The following AP3B2 variants were observed in gnomAD, a reference collection of about 807,000 sequenced individuals.
AP3B2 encodes the protein AP-3 complex subunit beta-2.
A neutral mutation model predicts 126.9 loss-of-function variants in AP3B2; 50 were observed. That is an observed-to-expected ratio of 0.39 (90% CI 0.31 to 0.50). AP3B2 has a LOEUF of 0.50. AP3B2 is among the 20% of genes least tolerant of loss of function. The pLI, the probability that AP3B2 is intolerant of heterozygous loss-of-function variation, is 0.79. For synonymous variants in AP3B2, 541 were observed against 565.0 expected, an observed-to-expected ratio of 0.96 and a Z score of 0.60; for missense variants, 1,177 against 1,426.4, an observed-to-expected ratio of 0.83 and a Z score of 2.82.
Position 82,663,933 on chromosome 15 carries a change from C to G in AP3B2, c.2304G>C (p.Lys768Asn), listed in dbSNP as rs1363317349. Reference protein sequence around the residue: ...EEDGKRKTKKKVPERKGEASS... With the variant: ...EEDGKRKTKKNVPERKGEASS... Reference sequence around the variant, plus strand: ...ACGCTTCTCCTTTTCTCTCTGGCACCTTCTTCTTTGTCTTCCTCTTACCAT... The same window carrying G: ...ACGCTTCTCCTTTTCTCTCTGGCACGTTCTTCTTTGTCTTCCTCTTACCAT... Residue 768 changes from lysine to asparagine, a missense_variant, in exon 20 of 27, where the codon AAG becomes AAC. Transcript: ENST00000535359. 6.2e-7 allele frequency: 1 copy of G among 1,609,960 alleles called. No individual in the cohort carries two copies. Among genetic ancestry groups the G allele is most frequent in the Non-Finnish European group, 8.5e-7 (1 of 1,179,808 alleles).
Position 82,665,207 on chromosome 15 carries a change from CAG to C in AP3B2, c.2028+38_2028+39del, listed in dbSNP as rs2048029937. On this transcript the variant is annotated intron_variant, in intron 17 of 26. Transcript: ENST00000535359. This position sits in a 1 kb window ranked among gnomAD's most constrained non-coding sequence, Gnocchi z 4.4. ...CACAGGGGAAGAAGAGGGACACAGA[CAG>C]GGCAGGGGAGAGAGCACACGTCACA... 1 of 1,528,448 alleles carries C rather than the reference CAG, an allele frequency of 6.5e-7. No homozygotes were observed. The highest frequency in any genetic ancestry group is 1.4e-5 in the African/African-American group (1 of 72,850). 94.7% of individuals were successfully genotyped at this position (1,528,448 alleles called of 1,614,324 possible).
intron 14 of AP3B2, among the ~76,000 whole-genome samples, chr15:82,669,534 A>G (rs2048113524): frequency 6.6e-6 from 1 of 151,880 alleles, no homozygotes; most frequent in African/African-American, 2.4e-5. Flanking sequence ...TCTACTAAAA[A>G]TACAAAAATT....
Position 82,664,316 on chromosome 15 carries a change from C to T in AP3B2, c.2261+51G>A. 6.2e-7 allele frequency: 1 copy of T among 1,611,876 alleles called. No homozygotes were observed. Among genetic ancestry groups the T allele is most frequent in the Middle Eastern group, 1.7e-4 (1 of 5,940 alleles). On this transcript the variant is annotated intron_variant, in intron 19 of 26. Transcript: ENST00000535359. The surrounding 1 kb of genome is among the most constrained non-coding windows in gnomAD (Gnocchi z 4.5). ...CTAAAGCTCAATGCTAGCCCTCTTT[C>T]CAGGAAAGCCCCCTGAACCCCACCA...
At chr15:82,693,447 A>G (rs1053381583) in intron 1 of AP3B2, among the ~76,000 whole-genome samples, 9 of 151,402 alleles carry the variant, frequency 5.9e-5, no homozygotes, top group African/African-American at 2.2e-4. Flanking sequence ...GGGTTTCACC[A>G]TGTTGGTCAG....
rs1463351050 is a variant in AP3B2 at position 82,681,011 on chromosome 15, C to T, written c.597G>A (p.Ala199=). 2 of 1,613,788 alleles carry T rather than the reference C, an allele frequency of 1.2e-6. No individual in the cohort carries two copies. The highest frequency in any genetic ancestry group is 1.7e-6 in the Non-Finnish European group (2 of 1,179,890). Residue 199 remains alanine (A), a synonymous_variant, in exon 7 of 27, where the codon GCG becomes GCA. Coordinates refer to ENST00000535359, the MANE Select transcript of AP3B2 (RefSeq NM_001278512.2). This position sits in a 1 kb window ranked among gnomAD's most constrained non-coding sequence, Gnocchi z 4.0. ...CCTCAAAGGCCATCACCACACTGCC[C>T]GCCACCAGCTGGGGAAAGAACAAAG... is the stretch of plus-strand genomic sequence containing the variant. ...KLLADKTTLV[A]GSVVMAFEEV...
At chr15:82,684,839 C>T (rs987583305) in intron 4 of AP3B2, among the ~76,000 whole-genome samples, 1 of 152,224 alleles carries the variant, frequency 6.6e-6, no homozygotes, top group Non-Finnish European at 1.5e-5. Context: ...TTTGCATTCA[C>T]AACTTGGCTA....
At chr15:82,683,472 ATTCTAC>A (rs544689340) in intron 4 of AP3B2, among the ~76,000 whole-genome samples, 198 of 152,288 alleles carry the variant, frequency 1.3e-3, no homozygotes, top group Non-Finnish European at 2.4e-3. Context: ...TCCACTTTTA[ATTCTAC>A]TTCTACTTCT....
intron 1 of AP3B2, among the ~76,000 whole-genome samples, chr15:82,695,095 CTTTTTTTTTT>C (rs747831776): frequency 7.4e-6 from 1 of 134,818 alleles, no homozygotes; most frequent in African/African-American, 2.8e-5. Context: ...TTCTTTCTTT[CTTTTTTTTTT>C]TTTTTTTTTG....
chr15:82,703,748 G>T (rs148125895), intron 1 of AP3B2, among the ~76,000 whole-genome samples: 397 of 151,650 alleles, frequency 2.6e-3, no homozygotes, highest in African/African-American at 9.1e-3. Flanking sequence ...TGTTCCCAAT[G>T]CGACTCATCC....
chr15:82,695,091 CTTTCTTTTTT>C (rs1388946440), intron 1 of AP3B2, among the ~76,000 whole-genome samples: 2 of 107,494 alleles, frequency 1.9e-5, no homozygotes, highest in East Asian at 5.1e-4. Flanking sequence ...TTTTTTCTTT[CTTTCTTTTTT>C]TTTTTTTTTT....
intron 1 of AP3B2, chr15:82,692,131 C>A: frequency 6.7e-7 from 1 of 1,494,478 alleles, no homozygotes; most frequent in African/African-American, 1.4e-5. Flanking sequence ...CTGGAGAACT[C>A]CACACGAAGC....
intron 20 of AP3B2, 76 bp from the exon 21 acceptor site, chr15:82,663,696 A>G: frequency 6.2e-7 from 1 of 1,610,270 alleles, no homozygotes. Flanking sequence ...AGAAGATGTC[A>G]TGTTCTGTTC....
Position 82,680,016 on chromosome 15 carries a change from C to G in AP3B2, c.1110+159G>C, listed in dbSNP as rs1429481083. ...GCCCCTCAGGATCCAGGCCCTGCTC[C>G]CTATCTGTATTTGGAGCCTCCCCTG... On this transcript the variant is annotated intron_variant, in intron 9 of 26. Transcript: ENST00000535359. The surrounding 1 kb of genome is among the most constrained non-coding windows in gnomAD (Gnocchi z 6.1). Among the ~76,000 whole-genome samples, 2 of 152,168 alleles carry G rather than the reference C, an allele frequency of 1.3e-5. No homozygotes were observed. Among genetic ancestry groups the G allele is most frequent in the Non-Finnish European group, 2.9e-5 (2 of 68,044 alleles).
In AP3B2 at chr15:82,667,003, T is replaced by C; in HGVS notation, c.1666-70A>G. The C allele has an allele frequency of 4.0e-6, 6 of 1,486,110 alleles. No individual in the cohort carries two copies. In the South Asian group the frequency reaches 6.3e-5, roughly 16 times the overall value. 92.1% of individuals were successfully genotyped at this position (1,486,110 alleles called of 1,614,324 possible). A position where few individuals can be genotyped will look rare whatever the true frequency, so the allele number is the denominator to read the frequency against. ...ACACAGGAGGCTCAGAAACAGATTC[T>C]TTAAGCCGACACTTTCAGGCAGAAC... On this transcript the variant is annotated intron_variant, in intron 14 of 26. Coordinates refer to ENST00000535359, the MANE Select transcript of AP3B2 (RefSeq NM_001278512.2).
Position 82,677,298 on chromosome 15 carries a change from C to G in AP3B2, c.1464G>C (p.Leu488Phe). ...PAQHGEIIKHLAKLTDNIQVP... is the reference protein window; with the variant it reads ...PAQHGEIIKHFAKLTDNIQVP... ...CCTGGATGTTGTCTGTAAGCTTTGC[C>G]AAGTGTTTGATGATCTCTCCATGTT... Residue 488 changes from leucine to phenylalanine, a missense_variant, in exon 13 of 27, where the codon TTG becomes TTC. By Grantham distance (22) the Leu-to-Phe change is conservative (BLOSUM62 0). Coordinates refer to ENST00000535359, the MANE Select transcript of AP3B2 (RefSeq NM_001278512.2). 6.2e-7 allele frequency: 1 copy of G among 1,613,756 alleles called. No individual in the cohort carries two copies. Among genetic ancestry groups the G allele is most frequent in the South Asian group, 1.1e-5 (1 of 91,010 alleles).
rs1314059690 is a variant in AP3B2, at chr15:82,665,734, C to T, written c.1853-159G>A. Among the ~76,000 whole-genome samples, 1 of 152,176 alleles carries T rather than the reference C, an allele frequency of 6.6e-6. No individual in the cohort carries two copies. The highest frequency in any genetic ancestry group is 1.5e-5 in the Non-Finnish European group (1 of 68,034). On this transcript the variant is annotated intron_variant, in intron 15 of 26. Transcript: ENST00000535359. The surrounding 1 kb of genome is among the most constrained non-coding windows in gnomAD (Gnocchi z 4.4). ...CCTAATGGCTCTTCCACCCTGACTGCACCTTTAGGCCCACATGCTGGAAGA... is the reference window on the plus strand; with the variant it reads ...CCTAATGGCTCTTCCACCCTGACTGTACCTTTAGGCCCACATGCTGGAAGA...
intron 12 of AP3B2, 28 bp from the exon 13 acceptor site, chr15:82,677,411 C>T (rs1376790920): frequency 4.4e-6 from 7 of 1,593,058 alleles, no homozygotes; most frequent in South Asian, 1.1e-5. Context: ...GTGTGTGGAC[C>T]CCAAGACAGT....
chr15:82,692,012 T>C lies in AP3B2; in HGVS notation c.114-2559A>G. ...AACTTCTCGCATGTGATCCTTCAGG[T>C]CCTGCCAGCTGCCTGAGGAAGTCCT... is the stretch of plus-strand genomic sequence containing the variant. On this transcript the variant is annotated intron_variant, in intron 1 of 26. Transcript: ENST00000535359. 5.5e-6 allele frequency: 8 copies of C among 1,463,676 alleles called. No individual in the cohort carries two copies. The South Asian group carries it at 9.3e-5, about 17-fold the overall frequency. The allele number at this position is 1,463,676 out of a possible 1,614,324, so 90.7% of individuals were successfully genotyped here.
chr15:82,701,035 A>AT (rs1465042964), intron 1 of AP3B2, among the ~76,000 whole-genome samples: 2 of 151,858 alleles, frequency 1.3e-5, no homozygotes, highest in Non-Finnish European at 2.9e-5. Context: ...TAATTTTTGT[A>AT]TTTTTAGTAG....
Sources: allele counts gnomAD v4.1 joint callset (sites outside exome capture counted in the v4.1 genomes callset), GRCh38; gene constraint gnomAD v4.1.1; non-coding constraint Gnocchi (gnomAD v3.1); transcripts MANE v1.5; gene names NCBI Gene and HGNC (gene_info 2026-07-23, HGNC 2026-07-21).